The following APPBP2 variants were observed in gnomAD, a reference collection of about 807,000 sequenced individuals.
APPBP2 encodes the protein amyloid protein-binding protein 2.
In APPBP2, 15 loss-of-function variants were observed where a neutral mutation model predicts 76.0. The ratio of observed to expected loss-of-function variants is 0.20; its 90% CI spans 0.13 to 0.30. APPBP2 has a LOEUF of 0.30. Among genes scored for constraint, APPBP2 ranks in the 10% least tolerant of loss-of-function variants. The pLI, the probability that APPBP2 is intolerant of heterozygous loss-of-function variation, is 1.00. For missense variants in APPBP2, 401 were observed against 687.2 expected (o/e 0.58, Z 4.66); for synonymous variants, 222 against 242.2 (o/e 0.92, Z 0.77).
At chr17:60,455,937 C>A (rs1284072407) in intron 10 of APPBP2, among the ~76,000 whole-genome samples, 2 of 152,176 alleles carry the variant, frequency 1.3e-5, no homozygotes, top group African/African-American at 4.8e-5. Context: ...GCCACCACAT[C>A]CGGCTAATTT....
chr17:60,521,788 T>C (rs971713307), intron 1 of APPBP2, among the ~76,000 whole-genome samples: 4 of 152,214 alleles, frequency 2.6e-5, no homozygotes, highest in East Asian at 3.9e-4. Flanking sequence ...ATTTTTTTTT[T>C]CCTCAGCTTA....
intron 4 of APPBP2, among the ~76,000 whole-genome samples, chr17:60,475,949 T>C (rs1243631153): frequency 6.6e-6 from 1 of 151,958 alleles, no homozygotes; most frequent in Non-Finnish European, 1.5e-5. Flanking sequence ...AAGAAAAAAC[T>C]GAAAAGGGGG....
intron 2 of APPBP2, among the ~76,000 whole-genome samples, chr17:60,497,462 T>C (rs1458515889): frequency 6.6e-6 from 1 of 152,164 alleles, no homozygotes; most frequent in East Asian, 1.9e-4. Flanking sequence ...TAAAAAATAA[T>C]TTAGTTCTAC....
intron 12 of APPBP2, 39 bp from the exon 13 acceptor site, chr17:60,447,873 A>C (rs376048588): frequency 2.4e-5 from 37 of 1,532,064 alleles, no homozygotes; most frequent in Non-Finnish European, 3.2e-5. Flanking sequence ...AAAAAGCACA[A>C]ATAATGAGAT....
chr17:60,456,552 T>C (rs972187058), intron 9 of APPBP2, among the ~76,000 whole-genome samples, 171 bp from the exon 10 acceptor site: 5 of 152,208 alleles, frequency 3.3e-5, no homozygotes, highest in African/African-American at 1.2e-4. Flanking sequence ...ACTGAACTTT[T>C]AATACCCAAC....
At chr17:60,451,852 G>A (rs973101487) in intron 12 of APPBP2, 28 bp downstream of exon 12, 1 of 1,573,718 alleles carries the variant, frequency 6.4e-7, no homozygotes, top group South Asian at 1.1e-5. Context: ...GTAATCAACT[G>A]ACTAAAGAAA....
At chr17:60,460,571 T>C (rs1454045053) in intron 9 of APPBP2, 92 bp downstream of exon 9, 1 of 1,298,382 alleles carries the variant, frequency 7.7e-7, no homozygotes, top group Non-Finnish European at 1.1e-6. Context: ...TCAAGTACTA[T>C]TATTAATGTA....
chr17:60,477,994 A>G (rs1421716729), intron 4 of APPBP2, among the ~76,000 whole-genome samples: 1 of 151,950 alleles, frequency 6.6e-6, no homozygotes, highest in Non-Finnish European at 1.5e-5. Context: ...AAAGTAAAAA[A>G]TATATTTAAA....
intron 2 of APPBP2, among the ~76,000 whole-genome samples, chr17:60,497,946 A>G (rs2090789602): frequency 6.6e-6 from 1 of 151,982 alleles, no homozygotes; most frequent in African/African-American, 2.4e-5. Context: ...TGAGACCAGC[A>G]TGGGCAACAT....
chr17:60,454,218 T>C (rs1225250937), intron 11 of APPBP2, 84 bp downstream of exon 11: 1 of 979,434 alleles, frequency 1.0e-6, no homozygotes, highest in African/African-American at 1.7e-5. Flanking sequence ...AGTGTATAAT[T>C]TATTTGAGCT....
rs1223019358 is a variant in APPBP2 at position 60,513,161 on chromosome 17, C to T, written c.138+12633G>A. ...TCCAGAAGAATTTCAGTATTTGCTA[C>T]AGTAACCTCATCAGCCTGCCAAGAC... On this transcript the variant is annotated intron_variant, in intron 1 of 12. Transcript: ENST00000083182. 3.6e-5 allele frequency: 12 copies of T among 335,558 alleles called. No individual in the cohort carries two copies. The East Asian group carries it at 7.7e-4, about 21-fold the overall frequency. The allele number at this position is 335,558 out of a possible 1,614,324, so 20.8% of individuals were successfully genotyped here.
At chr17:60,519,778 A>ATTTTTTTT (rs748167583) in intron 1 of APPBP2, among the ~76,000 whole-genome samples, 1 of 117,856 alleles carries the variant, frequency 8.5e-6, no homozygotes, top group Non-Finnish European at 1.7e-5. Flanking sequence ...GCCAAATTTA[A>ATTTTTTTT]TTTTTTTTTT....
intron 4 of APPBP2, among the ~76,000 whole-genome samples, chr17:60,472,792 T>G (rs77099331): frequency 0.082 from 12,490 of 152,234 alleles, 1,693 homozygotes; most frequent in African/African-American, 0.28. Flanking sequence ...TGGAGGCCCT[T>G]AACATTGTAC....
intron 1 of APPBP2, among the ~76,000 whole-genome samples, chr17:60,511,991 T>A (rs1265113543): frequency 6.6e-6 from 1 of 152,190 alleles, no homozygotes; most frequent in Admixed American, 6.5e-5. Context: ...AAGTTACATC[T>A]TTGAAACCCC....
At chr17:60,495,438 T>A (rs867164071) in intron 2 of APPBP2, among the ~76,000 whole-genome samples, 54 of 105,394 alleles carry the variant, frequency 5.1e-4, no homozygotes, top group African/African-American at 1.1e-3. Flanking sequence ...TTTATTTATT[T>A]ATTATTTATT....
chr17:60,479,099 C>A (rs2143380089), intron 4 of APPBP2, 49 bp downstream of exon 4: 1 of 1,564,906 alleles, frequency 6.4e-7, no homozygotes, highest in Non-Finnish European at 8.6e-7. Flanking sequence ...ACTATAAAAG[C>A]CACTAAATAC....
At chr17:60,509,389 A>C (rs910530463) in intron 1 of APPBP2, among the ~76,000 whole-genome samples, 1 of 152,170 alleles carries the variant, frequency 6.6e-6, no homozygotes, top group Non-Finnish European at 1.5e-5. Context: ...AAAAAAAAAA[A>C]AAACATGTTT....
At chr17:60,477,923 T>C (rs112523549) in intron 4 of APPBP2, among the ~76,000 whole-genome samples, 12,435 of 151,884 alleles carry the variant, frequency 0.082, 1,673 homozygotes, top group African/African-American at 0.28. Flanking sequence ...GAGGATTGCT[T>C]GAGCCCAGGA....
At chr17:60,460,267 T>C (rs2090466977) in intron 9 of APPBP2, 1 of 156,058 alleles carries the variant, frequency 6.4e-6, no homozygotes. Context: ...GGTGTGAATA[T>C]GCTTCGCTGC....
Sources: allele counts gnomAD v4.1 joint callset (sites outside exome capture counted in the v4.1 genomes callset), GRCh38; gene constraint gnomAD v4.1.1; transcripts MANE v1.5; gene names NCBI Gene and HGNC (gene_info 2026-07-23, HGNC 2026-07-21).